Variants in COL14A1 observed in about 807,000 individuals in gnomAD.
The protein encoded by COL14A1 is collagen type XIV alpha 1 chain.
In COL14A1, 136 loss-of-function variants were observed where a neutral mutation model predicts 230.3. The observed-to-expected ratio is 0.59, with a 90% CI of 0.51 to 0.68. The LOEUF is 0.68. Ranked by LOEUF, COL14A1 falls within the 30% of genes least tolerant of loss-of-function variation. The pLI, the probability that COL14A1 is intolerant of heterozygous loss-of-function variation, is 0.00. For missense variants in COL14A1, 1,976 were observed against 2,215.8 expected (o/e 0.89, Z 2.17); for synonymous variants, 792 against 784.1 (o/e 1.01, Z -0.17).
At chr8:120,137,434 CTAA>C (rs1814752926) in intron 1 of COL14A1, among the ~76,000 whole-genome samples, 2 of 151,926 alleles carry the variant, frequency 1.3e-5, no homozygotes, top group Non-Finnish European at 2.9e-5. Context: ...TTAATTTCTA[CTAA>C]TGTTTTCTAT....
intron 4 of COL14A1, among the ~76,000 whole-genome samples, chr8:120,167,213 G>T (rs541635715): frequency 2.0e-5 from 3 of 152,124 alleles, no homozygotes; most frequent in Non-Finnish European, 4.4e-5. Flanking sequence ...GAAGACAGTG[G>T]AAAGAAAGGG....
chr8:120,265,585 A>G (rs1359011157), intron 24 of COL14A1, among the ~76,000 whole-genome samples: 1 of 151,764 alleles, frequency 6.6e-6, no homozygotes, highest in Non-Finnish European at 1.5e-5. Context: ...ACACATATAT[A>G]TACATATTTA....
rs1158836427 is a variant in COL14A1 at position 120,367,234 on chromosome 8, C to G, written c.5141C>G (p.Pro1714Arg). The G allele has an allele frequency of 6.2e-7, 1 of 1,612,936 alleles. No individual in the cohort carries two copies. The highest frequency in any genetic ancestry group is 1.1e-5 in the South Asian group (1 of 90,818). ...PGVGTQGPRG[P>R]PGPAGPSGES... is the part of the protein sequence containing the mutation. ...GTTGGAACCCAAGGTCCAAGAGGCC[C>G]CCCTGGACCAGCAGGTAAATCTTCC... Residue 1714 changes from proline (P) to arginine (R), a missense_variant, in exon 46 of 48, where the codon CCC becomes CGC. Pro to Arg is a moderately radical substitution (Grantham distance 103). This residue lies in a region of COL14A1 where 1,791 missense variants were observed against 2,019.5 expected (regional missense o/e 0.89). Transcript: ENST00000297848.
intron 11 of COL14A1, 106 bp downstream of exon 11, chr8:120,208,467 G>A (rs1051691019): frequency 1.7e-5 from 21 of 1,233,822 alleles, no homozygotes; most frequent in Middle Eastern, 2.0e-4. Context: ...ATCCTGAATC[G>A]AATTCAATCA....
chr8:120,177,061 T>C (rs1414433351), intron 5 of COL14A1, among the ~76,000 whole-genome samples: 1 of 152,152 alleles, frequency 6.6e-6, no homozygotes, highest in East Asian at 1.9e-4. Context: ...ACCTTGGGCC[T>C]GTGCCACACA....
chr8:120,252,159 A>G (rs1244620815), intron 22 of COL14A1, among the ~76,000 whole-genome samples: 1 of 152,142 alleles, frequency 6.6e-6, no homozygotes, highest in Non-Finnish European at 1.5e-5. Context: ...TTCTTTTTTG[A>G]TAGTCAAATG....
At chr8:120,134,669 T>C (rs927075071) in intron 1 of COL14A1, among the ~76,000 whole-genome samples, 2 of 152,136 alleles carry the variant, frequency 1.3e-5, no homozygotes, top group Non-Finnish European at 2.9e-5. Flanking sequence ...TACAAAAATT[T>C]CTCATAAAAA....
chr8:120,239,127 C>T (rs1818542069), intron 19 of COL14A1, among the ~76,000 whole-genome samples: 1 of 152,182 alleles, frequency 6.6e-6, no homozygotes, highest in South Asian at 2.1e-4. Flanking sequence ...CATGGCCTTC[C>T]CATGTATTCT....
At chr8:120,173,235 T>C (rs960271630) in intron 5 of COL14A1, among the ~76,000 whole-genome samples, 3 of 152,190 alleles carry the variant, frequency 2.0e-5, no homozygotes, top group African/African-American at 7.2e-5. Context: ...TCCATTACTA[T>C]CATTATTTAT....
At chr8:120,359,671 A>G (rs1823121563) in intron 45 of COL14A1, among the ~76,000 whole-genome samples, 1 of 152,196 alleles carries the variant, frequency 6.6e-6, no homozygotes, top group Non-Finnish European at 1.5e-5. Flanking sequence ...GCAGAAAGTA[A>G]TAGATTGGCA....
intron 44 of COL14A1, among the ~76,000 whole-genome samples, chr8:120,344,141 C>T (rs578228731): frequency 7.9e-4 from 121 of 152,226 alleles, no homozygotes; most frequent in Non-Finnish European, 1.4e-3. Context: ...ATAGCAAGGC[C>T]CTGCCTGTCA....
chr8:120,239,918 G>A lies in COL14A1; in HGVS notation c.2350-3961G>A, dbSNP rs564921716. On this transcript the variant is annotated intron_variant, in intron 19 of 47. Coordinates refer to ENST00000297848, the MANE Select transcript of COL14A1 (RefSeq NM_021110.4). ...TTAGTGAATTATTCCTGTTAATTTGGAAAGAATAAAAATTTAATATCATGC... is the reference window on the plus strand; with the variant it reads ...TTAGTGAATTATTCCTGTTAATTTGAAAAGAATAAAAATTTAATATCATGC... Among the ~76,000 whole-genome samples, 305 of 151,650 alleles carry A rather than the reference G, an allele frequency of 2.0e-3. 1 individual carries two copies. The highest frequency in any genetic ancestry group is 6.9e-3 in the African/African-American group (287 of 41,392).
intron 1 of COL14A1, among the ~76,000 whole-genome samples, chr8:120,137,076 G>A (rs1231516244): frequency 1.3e-5 from 2 of 151,016 alleles, no homozygotes; most frequent in African/African-American, 4.9e-5. Context: ...GAATTTGCTA[G>A]TGAAGCCATC....
intron 10 of COL14A1, 76 bp from the exon 11 acceptor site, chr8:120,208,148 TGCTGGACG>T: frequency 7.6e-7 from 1 of 1,320,384 alleles, no homozygotes; most frequent in African/African-American, 1.5e-5. Flanking sequence ...GAAATATTTT[TGCTGGACG>T]TATTTTCGCT....
At chr8:120,162,770 T>C (rs1041267686) in intron 4 of COL14A1, among the ~76,000 whole-genome samples, 1 of 152,228 alleles carries the variant, frequency 6.6e-6, no homozygotes, top group African/African-American at 2.4e-5. Context: ...TTTTGCTATA[T>C]TCTTACTTAT....
At chr8:120,353,686 A>G (rs1210927351) in intron 45 of COL14A1, among the ~76,000 whole-genome samples, 1 of 149,924 alleles carries the variant, frequency 6.7e-6, no homozygotes, top group Non-Finnish European at 1.5e-5. Flanking sequence ...CAAAACCACA[A>G]TGAGATACCA....
intron 40 of COL14A1, among the ~76,000 whole-genome samples, chr8:120,318,942 C>T (rs186953031): frequency 6.6e-6 from 1 of 152,056 alleles, no homozygotes; most frequent in Non-Finnish European, 1.5e-5. Flanking sequence ...CGTTACTGTG[C>T]CTTTATTTCC....
chr8:120,197,867 A>G lies in COL14A1; in HGVS notation c.649A>G (p.Thr217Ala), dbSNP rs1194647020. 2 of 1,613,770 alleles carry G rather than the reference A, an allele frequency of 1.2e-6. No homozygotes were observed. The stretch of plus-strand genomic sequence containing the variant: ...AGAATGGCACTTGAATGCATTTAGC[A>G]CAAAAGATGAAGTGATTGAAGCTGT... ...RIEWHLNAFSTKDEVIEAVRN... is the reference protein window; with the variant it reads ...RIEWHLNAFSAKDEVIEAVRN... The change falls in exon 7 of 48, where the codon ACA (threonine) becomes GCA (alanine). Residue 217 changes from threonine to alanine, a missense_variant. Thr to Ala is a moderately conservative substitution (Grantham distance 58). Around this residue, in one of 3 missense-constraint regions of COL14A1, gnomAD observed 1,791 missense variants for 2,019.5 expected, o/e 0.89. Coordinates refer to ENST00000297848, the MANE Select transcript of COL14A1 (RefSeq NM_021110.4).
intron 45 of COL14A1, among the ~76,000 whole-genome samples, chr8:120,365,308 G>T (rs921985989): frequency 6.6e-6 from 1 of 152,172 alleles, no homozygotes. Context: ...ATCCTGCACC[G>T]TGAGGTCGTG....
Sources: allele counts gnomAD v4.1 joint callset (sites outside exome capture counted in the v4.1 genomes callset), GRCh38; gene constraint gnomAD v4.1.1; regional missense constraint gnomAD v4.1.1; transcripts MANE v1.5; gene names NCBI Gene and HGNC (gene_info 2026-07-23, HGNC 2026-07-21).